RBFOX1: variants seen among roughly 807,000 people sequenced by gnomAD.
RBFOX1 encodes the protein RNA binding protein fox-1 homolog 1.
In RBFOX1, 8 loss-of-function variants were observed where a neutral mutation model predicts 57.7. That is an observed-to-expected ratio of 0.14 (90% CI 0.08 to 0.25). RBFOX1 has a LOEUF of 0.25. RBFOX1 is among the 10% of genes least tolerant of loss of function. The pLI, the probability that RBFOX1 is intolerant of heterozygous loss-of-function variation, is 1.00. For missense variants in RBFOX1, 611 were observed against 548.5 expected (o/e 1.11, Z -1.14); for synonymous variants, 326 against 222.4 (o/e 1.47, Z -4.15).
chr16:6,232,405 C>G (rs761980842), intron 1 of RBFOX1, among the ~76,000 whole-genome samples: 1 of 152,148 alleles, frequency 6.6e-6, no homozygotes, highest in Non-Finnish European at 1.5e-5. Flanking sequence ...AATAATGGGA[C>G]CGAATGAGAG....
At position 6,895,466 on chromosome 16, in the gene RBFOX1, ATATATATATATATATATATATT is replaced by A. The variant is rs1183471622; in HGVS notation, c.-15-156587_-15-156566del. ...TGTGTGTGTATATATATATATATAT[ATATATATATATATATATATATT>A]TATTCCCCTATTGGATAACAAGCTG... On this transcript the variant is annotated intron_variant, in intron 3 of 15. Coordinates refer to ENST00000550418, the MANE Select transcript of RBFOX1 (RefSeq NM_018723.4). Among the ~76,000 whole-genome samples, 259 of 116,216 alleles carry A rather than the reference ATATATATATATATATATATATT, an allele frequency of 2.2e-3. 7 individuals are homozygous for A. In the South Asian group the frequency reaches 0.045, roughly 20 times the overall value. 76.2% of individuals were successfully genotyped at this position (116,216 alleles called of 152,430 possible).
chr16:7,007,182 T>C (rs538516231), intron 3 of RBFOX1, among the ~76,000 whole-genome samples: 1 of 152,316 alleles, frequency 6.6e-6, no homozygotes, highest in African/African-American at 2.4e-5. Context: ...TCCTTGCAGC[T>C]GTAAAGCTGA....
At chr16:5,825,703 C>G (rs975870125) in intron 3 of RBFOX1, among the ~76,000 whole-genome samples, 1 of 152,034 alleles carries the variant, frequency 6.6e-6, no homozygotes, top group Non-Finnish European at 1.5e-5. Flanking sequence ...AAGCCTCATA[C>G]CTATTAAGCA....
At chr16:6,929,097 A>C (rs2076100800) in intron 3 of RBFOX1, among the ~76,000 whole-genome samples, 2 of 152,136 alleles carry the variant, frequency 1.3e-5, no homozygotes, top group African/African-American at 4.8e-5. Flanking sequence ...TCTAGTGTTT[A>C]ATTCACAGGC....
chr16:7,056,213 C>G (rs1044539661), intron 4 of RBFOX1, among the ~76,000 whole-genome samples: 1 of 152,154 alleles, frequency 6.6e-6, no homozygotes, highest in African/African-American at 2.4e-5. Flanking sequence ...CAGTTACTCC[C>G]AACAGTAGGG....
rs1288233883 is a variant in RBFOX1 at position 5,792,944 on chromosome 16, C to T, written c.319-74359C>T. On this transcript the variant is annotated intron_variant, in intron 3 of 19. Coordinates refer to the RBFOX1 transcript ENST00000641259. ...TCTCATATTCTTTGTGTTGGGTAGG[C>T]TGAGTAGGAGGAGGAAGAGAAAGGG... Among the ~76,000 whole-genome samples, 4 of 152,118 alleles carry T rather than the reference C, an allele frequency of 2.6e-5. No individual in the cohort carries two copies. The South Asian group carries it at 6.2e-4, about 24-fold the overall frequency.
rs183663386 is a variant in RBFOX1 at position 6,215,910 on chromosome 16, A to C, written c.-126-101085A>C. On this transcript the variant is annotated intron_variant, in intron 1 of 15. Coordinates refer to ENST00000550418, the MANE Select transcript of RBFOX1 (RefSeq NM_018723.4). The stretch of plus-strand genomic sequence containing the variant: ...ATCCACAAGATGGTTGCAGTGGAGT[A>C]AAAGGCAGTGATAACTCTCTAACTG... Among the ~76,000 whole-genome samples, 42 of 152,312 alleles carry C rather than the reference A, an allele frequency of 2.8e-4. No individual in the cohort carries two copies. In the East Asian group the frequency reaches 7.5e-3, roughly 27 times the overall value.
chr16:6,713,993 C>T (rs984620847), intron 3 of RBFOX1, among the ~76,000 whole-genome samples: 6 of 152,176 alleles, frequency 3.9e-5, no homozygotes, highest in South Asian at 2.1e-4. Context: ...TGTGTACCCA[C>T]GTAAATCTCA....
intron 1 of RBFOX1, among the ~76,000 whole-genome samples, chr16:6,283,745 T>G (rs1201745231): frequency 6.6e-6 from 1 of 152,228 alleles, no homozygotes; most frequent in Admixed American, 6.5e-5. Context: ...ACTTTTGTTT[T>G]TCTTTCTTTC....
intron 3 of RBFOX1, among the ~76,000 whole-genome samples, chr16:5,721,394 A>G (rs1341023362): frequency 1.3e-5 from 2 of 152,098 alleles, no homozygotes; most frequent in African/African-American, 2.4e-5. Flanking sequence ...TCTGTGTTCA[A>G]GATCTTGTTG....
At chr16:6,380,081 G>C (rs2091636337) in intron 2 of RBFOX1, among the ~76,000 whole-genome samples, 2 of 152,138 alleles carry the variant, frequency 1.3e-5, no homozygotes, top group South Asian at 4.1e-4. Context: ...TTTGAAGAGA[G>C]TAGCATTTAT....
chr16:7,570,068 C>T (rs1343502138), intron 5 of RBFOX1, among the ~76,000 whole-genome samples: 1 of 150,292 alleles, frequency 6.7e-6, no homozygotes, highest in East Asian at 1.9e-4. Context: ...AGACATCCTC[C>T]AAAAAGAAAA....
intron 3 of RBFOX1, among the ~76,000 whole-genome samples, chr16:6,659,230 C>G (rs372001943): frequency 1.5e-3 from 45 of 30,992 alleles, no homozygotes; most frequent in South Asian, 5.2e-3. Flanking sequence ...CAAGAGGAGA[C>G]GAGAGCCCAT....
At chr16:7,368,643 G>C (rs534253539) in intron 4 of RBFOX1, among the ~76,000 whole-genome samples, 1 of 151,926 alleles carries the variant, frequency 6.6e-6, no homozygotes, top group Non-Finnish European at 1.5e-5. Flanking sequence ...AGCCAGGCGT[G>C]GTGGCGGGCA....
intron 2 of RBFOX1, among the ~76,000 whole-genome samples, chr16:6,449,288 C>G (rs188763684): frequency 2.0e-4 from 31 of 152,272 alleles, no homozygotes; most frequent in Non-Finnish European, 1.5e-5. Context: ...CATGCTTGCT[C>G]GTTTCTCATG....
At chr16:6,654,986 T>G (rs892459399) in intron 3 of RBFOX1, among the ~76,000 whole-genome samples, 19 of 66,398 alleles carry the variant, frequency 2.9e-4, no homozygotes, top group South Asian at 1.0e-3. Flanking sequence ...GTGTGTATCA[T>G]ATGTATAATT....
intron 2 of RBFOX1, among the ~76,000 whole-genome samples, chr16:5,569,906 G>T (rs1455345669): frequency 6.6e-6 from 1 of 152,130 alleles, no homozygotes; most frequent in Non-Finnish European, 1.5e-5. Context: ...CAAAGAACAA[G>T]ACGTAATGTC....
intron 4 of RBFOX1, among the ~76,000 whole-genome samples, chr16:7,479,277 C>A (rs1446998346): frequency 1.3e-5 from 2 of 151,982 alleles, no homozygotes; most frequent in African/African-American, 4.8e-5. Context: ...GCATGCACCA[C>A]CACACTGGCT....
intron 4 of RBFOX1, among the ~76,000 whole-genome samples, chr16:7,209,464 A>C (rs2090680104): frequency 6.6e-6 from 1 of 152,176 alleles, no homozygotes; most frequent in Admixed American, 6.5e-5. Context: ...CATTTGGATA[A>C]TAACCTCAAG....
Sources: gnomAD v4.1 joint callset for allele counts (sites outside exome capture counted in the v4.1 genomes callset) on GRCh38, gnomAD v4.1.1 for gene constraint, MANE v1.5 for transcripts, NCBI Gene and HGNC (gene_info 2026-07-23, HGNC 2026-07-21) for gene names.